RFX4: variants seen among roughly 807,000 people sequenced by gnomAD.
The protein encoded by RFX4 is regulatory factor X4, also known as transcription factor RFX4.
In RFX4, 10 loss-of-function variants were observed where a neutral mutation model predicts 95.0. That is an observed-to-expected ratio of 0.11 (90% CI 0.06 to 0.18). The LOEUF is 0.18. Among genes scored for constraint, RFX4 ranks in the 10% least tolerant of loss-of-function variants. The pLI is 1.00. For missense variants in RFX4, 640 were observed against 922.0 expected, an observed-to-expected ratio of 0.69 and a Z score of 3.96; for synonymous variants, 321 against 340.7, an observed-to-expected ratio of 0.94 and a Z score of 0.64.
intron 4 of RFX4, among the ~76,000 whole-genome samples, chr12:106,658,788 G>A (rs1211977106): frequency 2.0e-5 from 3 of 152,148 alleles, no homozygotes; most frequent in African/African-American, 7.2e-5. Context: ...GCTGAGAGAT[G>A]TGCTCTCTAG....
chr12:106,747,363 A>T, intron 15 of RFX4, 74 bp from the exon 16 acceptor site: 1 of 1,533,508 alleles, frequency 6.5e-7, no homozygotes, highest in Non-Finnish European at 8.9e-7. Context: ...GAACAAAGGG[A>T]AGCCACTAAA....
chr12:106,733,190 G>A (rs562339830), intron 15 of RFX4, 105 bp downstream of exon 15: 16 of 1,289,248 alleles, frequency 1.2e-5, no homozygotes, highest in Non-Finnish European at 1.7e-5. Flanking sequence ...CACACAAAAA[G>A]CCAGACATCT....
chr12:106,641,948 T>C lies in RFX4; in HGVS notation c.191+2556T>C, dbSNP rs376024154. On this transcript the variant is annotated intron_variant, in intron 3 of 17. Transcript: ENST00000392842. Reference sequence around the variant, plus strand: ...GGGGAAATATCTATATCTATGTCTATATCTATCTATATCTATATCTATCTA... The same window carrying C: ...GGGGAAATATCTATATCTATGTCTACATCTATCTATATCTATATCTATCTA... Among the ~76,000 whole-genome samples, 4 of 135,898 alleles carry C rather than the reference T, an allele frequency of 2.9e-5. No individual in the cohort carries two copies. In the South Asian group the frequency reaches 7.3e-4, roughly 25 times the overall value. The allele number at this position is 135,898 out of a possible 152,430, so 89.2% of individuals were successfully genotyped here.
chr12:106,733,846 C>A (rs1029697086), intron 15 of RFX4, among the ~76,000 whole-genome samples: 4 of 152,200 alleles, frequency 2.6e-5, no homozygotes, highest in Admixed American at 2.6e-4. Flanking sequence ...CAAAAGAAGG[C>A]AGAGATCCAA....
chr12:106,606,866 C>T (rs901636135), intron 1 of RFX4, among the ~76,000 whole-genome samples: 10 of 152,198 alleles, frequency 6.6e-5, no homozygotes, highest in Non-Finnish European at 1.2e-4. Flanking sequence ...ATAGCTTACT[C>T]GTCCGCGTGG....
intron 15 of RFX4, among the ~76,000 whole-genome samples, chr12:106,740,349 C>A (rs1303862434): frequency 6.6e-6 from 1 of 152,190 alleles, no homozygotes; most frequent in Non-Finnish European, 1.5e-5. Flanking sequence ...GACACTTCAG[C>A]CCTGCCACAG....
chr12:106,697,140 G>A (rs1430704659), intron 8 of RFX4, among the ~76,000 whole-genome samples: 2 of 152,072 alleles, frequency 1.3e-5, no homozygotes, highest in Non-Finnish European at 2.9e-5. Flanking sequence ...GGCTGTCCTT[G>A]GGCACAGAGT....
At chr12:106,596,486 C>G (rs1490233249) in intron 1 of RFX4, among the ~76,000 whole-genome samples, 2 of 152,166 alleles carry the variant, frequency 1.3e-5, no homozygotes, top group African/African-American at 2.4e-5. Context: ...GAAAAGGAAA[C>G]AAAATTTTAT....
chr12:106,756,238 G>T (rs2136103086), intron 17 of RFX4, among the ~76,000 whole-genome samples: 1 of 152,248 alleles, frequency 6.6e-6, no homozygotes, highest in Non-Finnish European at 1.5e-5. Flanking sequence ...CCATTCCCAG[G>T]CCCAACCAAA....
At position 106,583,381 on chromosome 12, in the gene RFX4, G is replaced by A. The variant is rs1343496007; in HGVS notation, c.43+18G>A. On this transcript the variant is annotated intron_variant, in intron 1 of 17. Coordinates refer to ENST00000392842, the MANE Select transcript of RFX4 (RefSeq NM_213594.3). Reference sequence around the variant, plus strand: ...TTCCACAGGTTAGTCCTACTGGCGGGGTTGGGGGGATACATTGGGAGGGAA... The same window carrying A: ...TTCCACAGGTTAGTCCTACTGGCGGAGTTGGGGGGATACATTGGGAGGGAA... 4.5e-6 allele frequency: 7 copies of A among 1,557,374 alleles called. No individual in the cohort carries two copies. In the African/African-American group the frequency reaches 9.8e-5, roughly 22 times the overall value.
At position 106,612,832 on chromosome 12, in the gene RFX4, C is replaced by T. The variant is rs113493867; in HGVS notation, c.130+3949C>T. On this transcript the variant is annotated intron_variant, in intron 2 of 17. Transcript: ENST00000392842. Reference sequence around the variant, plus strand: ...CAGCCTGGGTGACAGAGCGAGACTACGTCTCAAAAAAAAAAAAAAGATGAT... The same window carrying T: ...CAGCCTGGGTGACAGAGCGAGACTATGTCTCAAAAAAAAAAAAAAGATGAT... Among the ~76,000 whole-genome samples, 9 of 149,332 alleles carry T rather than the reference C, an allele frequency of 6.0e-5. No homozygotes were observed. The East Asian group carries it at 7.9e-4, about 13-fold the overall frequency.
intron 8 of RFX4, among the ~76,000 whole-genome samples, chr12:106,697,759 T>C (rs1472964765): frequency 2.0e-5 from 3 of 152,064 alleles, no homozygotes; most frequent in African/African-American, 7.2e-5. Context: ...TGATTTTCAA[T>C]CTGTATACCT....
At chr12:106,599,114 A>G (rs1047030184) in intron 1 of RFX4, among the ~76,000 whole-genome samples, 1 of 150,752 alleles carries the variant, frequency 6.6e-6, no homozygotes, top group Non-Finnish European at 1.5e-5. Context: ...TGGTGAGTTC[A>G]TGATCTCTGA....
chr12:106,615,215 G>C (rs1268084988), intron 2 of RFX4, among the ~76,000 whole-genome samples: 1 of 152,064 alleles, frequency 6.6e-6, no homozygotes, highest in Non-Finnish European at 1.5e-5. Flanking sequence ...AACTGATAGA[G>C]CACGATTTCT....
At chr12:106,715,354 G>T (rs1399407608) in intron 10 of RFX4, 46 bp from the exon 11 acceptor site, 1 of 1,595,498 alleles carries the variant, frequency 6.3e-7, no homozygotes, top group Admixed American at 1.7e-5. Flanking sequence ...CAGTGAAAGG[G>T]TTTTAACAAC....
intron 1 of RFX4, among the ~76,000 whole-genome samples, chr12:106,591,196 C>T (rs1180052389): frequency 6.7e-6 from 1 of 148,422 alleles, no homozygotes; most frequent in East Asian, 2.0e-4. Context: ...CAGTAACATA[C>T]GTAGCATTTT....
chr12:106,644,060 C>A (rs2040690496), intron 3 of RFX4, among the ~76,000 whole-genome samples: 1 of 152,098 alleles, frequency 6.6e-6, no homozygotes, highest in Non-Finnish European at 1.5e-5. Context: ...AGATGTATCA[C>A]ACTAAAAATA....
chr12:106,746,119 A>G (rs2042888768), intron 15 of RFX4, among the ~76,000 whole-genome samples: 1 of 152,100 alleles, frequency 6.6e-6, no homozygotes, highest in African/African-American at 2.4e-5. Flanking sequence ...GTACTTTGGG[A>G]GGCAAAGGCG....
At chr12:106,667,629 T>C (rs893111636) in intron 4 of RFX4, among the ~76,000 whole-genome samples, 2 of 152,212 alleles carry the variant, frequency 1.3e-5, no homozygotes, top group African/African-American at 4.8e-5. Flanking sequence ...TACTGGGTCC[T>C]GAGGCAGTTC....
Sources: allele counts gnomAD v4.1 joint callset (sites outside exome capture counted in the v4.1 genomes callset), GRCh38; gene constraint gnomAD v4.1.1; transcripts MANE v1.5; gene names NCBI Gene and HGNC (gene_info 2026-07-23, HGNC 2026-07-21).